NOCT: variants seen among roughly 807,000 people sequenced by gnomAD.
The protein encoded by NOCT is CCR4 carbon catabolite repression 4-like.
In NOCT, 18 loss-of-function variants were observed where a neutral mutation model predicts 35.0. The ratio of observed to expected loss-of-function variants is 0.51; its 90% CI spans 0.36 to 0.76. NOCT has a LOEUF of 0.76. Among genes scored for constraint, NOCT ranks in the 30% least tolerant of loss-of-function variants. The probability of loss-of-function intolerance (pLI) is 0.01; values close to 1 mark genes in which losing one functional copy is unlikely to be tolerated. For missense variants in NOCT, 479 were observed against 541.0 expected (o/e 0.89, Z 1.14); for synonymous variants, 235 against 226.3 (o/e 1.04, Z -0.34).
At chr4:139,036,138 C>T (rs991933465) in intron 1 of NOCT, among the ~76,000 whole-genome samples, 1 of 152,116 alleles carries the variant, frequency 6.6e-6, no homozygotes, top group Non-Finnish European at 1.5e-5. Context: ...TTTGTCTCTC[C>T]CCACTAGAAA....
At chr4:139,044,132 A>AT (rs11400088) in intron 2 of NOCT, among the ~76,000 whole-genome samples, 75,959 of 147,264 alleles carry the variant, frequency 0.52, 20,225 homozygotes, top group Non-Finnish European at 0.61. Flanking sequence ...CAAGGGCCTG[A>AT]TTTTTTTTTT....
chr4:139,016,170 A>G lies in NOCT; in HGVS notation c.189A>G (p.Thr63=). 1.6e-6 allele frequency: 2 copies of G among 1,245,114 alleles called. No homozygotes were observed. The highest frequency in any genetic ancestry group is 2.0e-6 in the Non-Finnish European group (2 of 995,786). 77.1% of individuals were successfully genotyped at this position (1,245,114 alleles called of 1,614,324 possible). The change falls in exon 1 of 3, where the codon ACA becomes ACG. Residue 63 remains threonine (T), a splice_region_variant and synonymous_variant. Coordinates refer to ENST00000280614, the MANE Select transcript of NOCT (RefSeq NM_012118.4). ...ASGAARSCSR[T]VCSMGTGTSR... is the part of the protein sequence containing the mutation. The stretch of plus-strand genomic sequence containing the variant: ...GCGCCGCGAGGTCGTGTTCCCGAAC[A>G]GGTGAGTGCACCCCAGTTCCGGGCG...
At chr4:139,043,503 G>A in intron 2 of NOCT, 160 bp downstream of exon 2, 1 of 603,588 alleles carries the variant, frequency 1.7e-6, no homozygotes, top group Non-Finnish European at 2.8e-6. Context: ...TTAAGACAGG[G>A]AATCATCTGG....
At chr4:139,040,088 T>C (rs1207568841) in intron 1 of NOCT, among the ~76,000 whole-genome samples, 1 of 147,392 alleles carries the variant, frequency 6.8e-6, no homozygotes, top group Non-Finnish European at 1.5e-5. Context: ...TCGCCCAGGC[T>C]GGAGTGCAGT....
At chr4:139,031,860 C>T (rs545740550) in intron 1 of NOCT, among the ~76,000 whole-genome samples, 1 of 151,144 alleles carries the variant, frequency 6.6e-6, no homozygotes, top group African/African-American at 2.4e-5. Flanking sequence ...GTACAGGCGC[C>T]CGCCACCACG....
intron 1 of NOCT, among the ~76,000 whole-genome samples, chr4:139,042,371 G>C (rs1205479035): frequency 6.6e-6 from 1 of 152,020 alleles, no homozygotes; most frequent in Non-Finnish European, 1.5e-5. Context: ...GCCCAGCCTA[G>C]TCTTGAGGTT....
intron 1 of NOCT, among the ~76,000 whole-genome samples, chr4:139,026,487 C>T (rs1288494196): frequency 1.3e-5 from 2 of 151,912 alleles, no homozygotes; most frequent in Admixed American, 6.6e-5. Flanking sequence ...CTCAGCCTCC[C>T]GAGTAGCTGA....
In NOCT at chr4:139,043,235, CT is replaced by C; in HGVS notation, c.353del (p.Leu118ArgfsTer15). The C allele has an allele frequency of 6.2e-7, 1 of 1,614,196 alleles. No individual in the cohort carries two copies. Among genetic ancestry groups the C allele is most frequent in the Non-Finnish European group, 8.5e-7 (1 of 1,180,034 alleles). On this transcript the variant is annotated frameshift_variant, in exon 2 of 3. Transcript: ENST00000280614. LOFTEE classifies it high-confidence loss of function. ...GCTTCTTGAGGAATGCAGGGCCGTC[CT>C]GCACACCCGACCTCCCCGGTTCCAG... ...KELLEECRAV[L>X]HTRPPRFQRD...
At chr4:139,033,890 C>CT (rs914954179) in intron 1 of NOCT, among the ~76,000 whole-genome samples, 2 of 151,718 alleles carry the variant, frequency 1.3e-5, no homozygotes, top group Non-Finnish European at 2.9e-5. Flanking sequence ...CTAATTTTTT[C>CT]TTTTTTTAAT....
At chr4:139,030,169 G>A (rs9995474) in intron 1 of NOCT, among the ~76,000 whole-genome samples, 44,002 of 152,012 alleles carry the variant, frequency 0.29, 6,506 homozygotes, top group Middle Eastern at 0.37. Context: ...GTGAGCCACC[G>A]CGCCTGGCCT....
At chr4:139,039,941 T>G (rs992655103) in intron 1 of NOCT, among the ~76,000 whole-genome samples, 7 of 152,120 alleles carry the variant, frequency 4.6e-5, no homozygotes, top group Non-Finnish European at 8.8e-5. Context: ...TAGGCCAGGC[T>G]GATGTTGAAC....
chr4:139,024,706 C>T (rs995015647), intron 1 of NOCT, among the ~76,000 whole-genome samples: 3 of 152,180 alleles, frequency 2.0e-5, no homozygotes, highest in Admixed American at 6.5e-5. Flanking sequence ...CTCCTCCCAC[C>T]TCAGCCTCCC....
intron 1 of NOCT, among the ~76,000 whole-genome samples, chr4:139,025,154 C>T (rs1726488797): frequency 6.6e-6 from 1 of 152,194 alleles, no homozygotes. Flanking sequence ...GGCTATCACC[C>T]ATTTTCTTTG....
intron 1 of NOCT, among the ~76,000 whole-genome samples, chr4:139,033,052 G>C (rs955710182): frequency 6.6e-6 from 1 of 151,702 alleles, no homozygotes; most frequent in African/African-American, 2.4e-5. Context: ...GGAACAGAGC[G>C]AGACTCCATC....
chr4:139,042,625 G>A (rs1726854486), intron 1 of NOCT, among the ~76,000 whole-genome samples: 1 of 152,138 alleles, frequency 6.6e-6, no homozygotes, highest in Non-Finnish European at 1.5e-5. Context: ...CTGTAGAAAT[G>A]GCTTTATACG....
intron 1 of NOCT, among the ~76,000 whole-genome samples, chr4:139,042,071 CTTTT>C (rs368776726): frequency 3.7e-5 from 4 of 108,740 alleles, no homozygotes; most frequent in South Asian, 3.3e-4. Context: ...TCTTTAAGAT[CTTTT>C]TTTTTTTTTT....
chr4:139,045,619 G>A lies in NOCT; in HGVS notation c.*145G>A. 1.9e-6 allele frequency: 1 copy of A among 519,094 alleles called. No homozygotes were observed. The highest frequency in any genetic ancestry group is 3.3e-6 in the Non-Finnish European group (1 of 304,922). 32.2% of individuals were successfully genotyped at this position (519,094 alleles called of 1,614,324 possible). ...GCAAGATCCGCCTCCCGGGTTCATG[G>A]CATTCTCCTGCCTCAGCCTCCAGAG... On this transcript the variant is annotated 3_prime_UTR_variant, in exon 3 of 3. Transcript: ENST00000280614.
chr4:139,023,467 ACTCT>A (rs1423822887), intron 1 of NOCT, among the ~76,000 whole-genome samples: 1 of 151,898 alleles, frequency 6.6e-6, no homozygotes, highest in African/African-American at 2.4e-5. Context: ...GGTCAAATAG[ACTCT>A]CTGAGACTTA....
At chr4:139,040,333 C>G (rs1331424415) in intron 1 of NOCT, among the ~76,000 whole-genome samples, 3 of 151,994 alleles carry the variant, frequency 2.0e-5, no homozygotes, top group African/African-American at 7.3e-5. Context: ...AGACACCGCG[C>G]CCAGCCTTGT....
Sources: allele counts gnomAD v4.1 joint callset (sites outside exome capture counted in the v4.1 genomes callset), GRCh38; gene constraint gnomAD v4.1.1; transcripts MANE v1.5; gene names NCBI Gene and HGNC (gene_info 2026-07-23, HGNC 2026-07-21).